NEK3: variants seen among roughly 807,000 people sequenced by gnomAD.
NEK3 encodes the protein serine/threonine-protein kinase Nek3.
A neutral mutation model predicts 66.0 loss-of-function variants in NEK3; 54 were observed. That is an observed-to-expected ratio of 0.82 (90% confidence interval 0.66 to 1.03). The LOEUF is 1.03. Ranked by LOEUF, NEK3 falls within the 50% of genes least tolerant of loss-of-function variation. The probability of loss-of-function intolerance (pLI) is 0.00; values close to 1 mark genes in which losing one functional copy is unlikely to be tolerated. For missense variants in NEK3, 593 were observed against 603.0 expected (o/e 0.98, Z 0.17); for synonymous variants, 200 against 206.2 (o/e 0.97, Z 0.26).
chr13:52,157,446 G>A (rs543028797), intron 1 of NEK3: 1 of 152,408 alleles, frequency 6.6e-6, no homozygotes, highest in Non-Finnish European at 1.5e-5. Context: ...GCATGAACCA[G>A]ATGGTTTCTT....
At chr13:52,147,214 T>G (rs1219211155) in intron 8 of NEK3, among the ~76,000 whole-genome samples, 2 of 152,248 alleles carry the variant, frequency 1.3e-5, no homozygotes, top group Non-Finnish European at 2.9e-5. Context: ...TTGCAAAGTT[T>G]GCTGTTTCCT....
chr13:52,140,742 C>G (rs990336487), intron 11 of NEK3, among the ~76,000 whole-genome samples: 4 of 152,112 alleles, frequency 2.6e-5, no homozygotes, highest in African/African-American at 9.7e-5. Flanking sequence ...ACTAGAGGGA[C>G]CAGGTCACAG....
Position 52,136,893 on chromosome 13 carries a change from C to A in NEK3, c.937G>T (p.Glu313Ter). Residue 313 changes from glutamate to a stop codon, truncating the protein, a stop_gained, in exon 12 of 16, where the codon GAA becomes TAA. Transcript: ENST00000610828. LOFTEE classifies it high-confidence loss of function. Reference sequence around the variant, plus strand: ...GTATGGCTACCCTTTCTATCTTGTTCTTCCTCTTGCTTTAAAAGAGATTAA... The same window carrying A: ...GTATGGCTACCCTTTCTATCTTGTTATTCCTCTTGCTTTAAAAGAGATTAA... ...GNEASTVQEE[E>*]QDRKGSHTDL... 1.3e-6 allele frequency: 2 copies of A among 1,557,558 alleles called. No homozygotes were observed. The highest frequency in any genetic ancestry group is 1.2e-5 in the South Asian group (1 of 83,378).
chr13:52,148,156 AG>A (rs1956309569), intron 8 of NEK3: 1 of 343,046 alleles, frequency 2.9e-6, no homozygotes, highest in Non-Finnish European at 5.2e-6. Context: ...AATTAAGAAT[AG>A]CAAAAAGAAA....
chr13:52,147,280 C>G (rs946057555), intron 8 of NEK3, among the ~76,000 whole-genome samples: 1 of 152,138 alleles, frequency 6.6e-6, no homozygotes, highest in Non-Finnish European at 1.5e-5. Context: ...TAAATGTAAA[C>G]CTCAAAATTT....
At chr13:52,135,910 T>A (rs1475758088) in intron 13 of NEK3, 47 bp from the exon 14 acceptor site, 7 of 1,588,288 alleles carry the variant, frequency 4.4e-6, no homozygotes, top group Non-Finnish European at 6.0e-6. Flanking sequence ...AAAAGATTTT[T>A]CAGCATGTAC....
At position 52,132,701 on chromosome 13, in the gene NEK3, A is replaced by G. The variant is rs1956163317; in HGVS notation, c.*441T>C. ...CTTTAGGAAATGTAAAAAGAGTCAC[A>G]TAATAATAAACACATATCATAATGT... On this transcript the variant is annotated 3_prime_UTR_variant, in exon 16 of 16. Transcript: ENST00000610828. The G allele has an allele frequency of 6.5e-6, 1 of 153,380 alleles. No homozygotes were observed. The highest frequency in any genetic ancestry group is 6.5e-5 in the Admixed American group (1 of 15,392). The allele number at this position is 153,380 out of a possible 1,614,324, so 9.5% of individuals were successfully genotyped here. A position where few individuals can be genotyped will look rare whatever the true frequency, so the allele number is the denominator to read the frequency against.
chr13:52,133,556 G>C, intron 15 of NEK3, 133 bp downstream of exon 15: 13 of 1,194,032 alleles, frequency 1.1e-5, no homozygotes, highest in Non-Finnish European at 1.5e-5. Context: ...ATCCATTTAT[G>C]ATGAAAAGTA....
chr13:52,136,994 A>G (rs1956211910), intron 11 of NEK3, 92 bp from the exon 12 acceptor site: 6 of 768,454 alleles, frequency 7.8e-6, no homozygotes. Flanking sequence ...TTAATTTCAA[A>G]TAAAAATTAA....
intron 1 of NEK3, chr13:52,157,350 G>T (rs1026604691): frequency 3.9e-5 from 6 of 152,048 alleles, no homozygotes; most frequent in African/African-American, 1.5e-4. Context: ...GGGAAGGAAA[G>T]ATGTAAGAAC....
chr13:52,152,599 C>T lies in NEK3; in HGVS notation c.393+10G>A. 1.3e-6 allele frequency: 2 copies of T among 1,557,882 alleles called. No individual in the cohort carries two copies. The highest frequency in any genetic ancestry group is 1.7e-6 in the Non-Finnish European group (2 of 1,145,164). ...TTTTTTTTTTAAGTCCAAAAATGTA[C>T]TCCACTCACCTTGGACTTGATATCT... On this transcript the variant is annotated intron_variant, in intron 5 of 15. Coordinates refer to ENST00000610828, the MANE Select transcript of NEK3 (RefSeq NM_002498.3).
intron 8 of NEK3, among the ~76,000 whole-genome samples, chr13:52,147,606 A>G (rs1956305123): frequency 6.6e-6 from 1 of 152,218 alleles, no homozygotes; most frequent in South Asian, 2.1e-4. Context: ...GACTGGGGAA[A>G]GGGAAGAAAT....
At chr13:52,137,174 T>A (rs1192064913) in intron 11 of NEK3, among the ~76,000 whole-genome samples, 1 of 152,100 alleles carries the variant, frequency 6.6e-6, no homozygotes, top group Non-Finnish European at 1.5e-5. Flanking sequence ...TTATTATAAA[T>A]ATGAAGAGGA....
intron 7 of NEK3, among the ~76,000 whole-genome samples, chr13:52,149,866 C>A (rs1047789295): frequency 1.0e-5 from 1 of 96,306 alleles, no homozygotes; most frequent in African/African-American, 2.9e-5. Flanking sequence ...GAGACTCTGT[C>A]TCAAAAAAAA....
At chr13:52,136,717 T>A in intron 12 of NEK3, 83 bp downstream of exon 12, 1 of 739,608 alleles carries the variant, frequency 1.4e-6, no homozygotes, top group Non-Finnish European at 2.1e-6. Context: ...TACTCTTGTT[T>A]ATGATATCTG....
chr13:52,144,947 A>G, intron 8 of NEK3, 56 bp from the exon 9 acceptor site: 1 of 1,124,634 alleles, frequency 8.9e-7, no homozygotes, highest in African/African-American at 1.5e-5. Context: ...TGGAAGCAAG[A>G]AACTACCAGT....
intron 1 of NEK3, among the ~76,000 whole-genome samples, chr13:52,158,871 C>A (rs1044116658): frequency 2.6e-5 from 4 of 152,216 alleles, no homozygotes; most frequent in African/African-American, 9.6e-5. Context: ...CTTCTAACCT[C>A]ACGGGCTAAG....
intron 11 of NEK3, among the ~76,000 whole-genome samples, chr13:52,138,690 G>A (rs533451323): frequency 2.2e-4 from 33 of 152,280 alleles, no homozygotes; most frequent in African/African-American, 7.5e-4. Context: ...AGCACTTTAG[G>A]AGGCCAAGGT....
chr13:52,133,350 C>A, intron 15 of NEK3, 124 bp from the exon 16 acceptor site: 1 of 804,056 alleles, frequency 1.2e-6, no homozygotes. Context: ...CATAAGGCAA[C>A]TGAAGGGAAA....
Sources: gnomAD v4.1 joint callset for allele counts (sites outside exome capture counted in the v4.1 genomes callset) on GRCh38, gnomAD v4.1.1 for gene constraint, MANE v1.5 for transcripts, NCBI Gene and HGNC (gene_info 2026-07-23, HGNC 2026-07-21) for gene names.